Variants in OTULINL observed in about 807,000 individuals in gnomAD.
OTULINL encodes the protein inactive ubiquitin thioesterase OTULINL.
A neutral mutation model predicts 43.9 loss-of-function variants in OTULINL; 42 were observed. The observed-to-expected ratio is 0.96, with a 90% CI of 0.75 to 1.24. The LOEUF (loss-of-function observed/expected upper bound fraction) is 1.24, where lower values mean the gene tolerates loss of function less well. OTULINL is among the 50% of genes most tolerant of loss of function. The pLI is 0.00. For missense variants in OTULINL, 411 were observed against 426.4 expected (o/e 0.96, Z 0.32); for synonymous variants, 172 against 153.6 (o/e 1.12, Z -0.88).
chr5:14,608,915 C>T lies in OTULINL; in HGVS notation c.795C>T (p.Pro265=). The T allele has an allele frequency of 6.2e-7, 1 of 1,614,024 alleles. No homozygotes were observed. The highest frequency in any genetic ancestry group is 8.5e-7 in the Non-Finnish European group (1 of 1,179,890). ...YEQMKTKKVI[P]SLFRLLFSRE... ...AAATGAAGACTAAAAAGGTCATTCC[C>T]AGTCTTTTTAGACTCCTGTTTTCCA... The change falls in exon 7 of 8, where the codon CCC becomes CCT. Residue 265 remains proline, a synonymous_variant. Coordinates refer to ENST00000274217, the MANE Select transcript of OTULINL (RefSeq NM_019018.3).
At chr5:14,588,093 A>G (rs960847029) in intron 1 of OTULINL, among the ~76,000 whole-genome samples, 6 of 152,140 alleles carry the variant, frequency 3.9e-5, no homozygotes, top group African/African-American at 1.4e-4. Context: ...ATTTGTCAAG[A>G]TCTTATGTAT....
chr5:14,616,015 G>C lies in OTULINL; in HGVS notation c.*5701G>C, dbSNP rs1476614683. On this transcript the variant is annotated 3_prime_UTR_variant, in exon 8 of 8. Transcript: ENST00000274217. ...GCTTTTTAAACTATCCATGGTAAAG[G>C]ATGAGTTTTAAAAATTCTAATCCTT... Among the ~76,000 whole-genome samples, 1 of 152,178 alleles carries C rather than the reference G, an allele frequency of 6.6e-6. No homozygotes were observed. Among genetic ancestry groups the C allele is most frequent in the Admixed American group, 6.5e-5 (1 of 15,286 alleles).
intron 6 of OTULINL, 58 bp downstream of exon 6, chr5:14,607,516 A>G (rs1288628815): frequency 1.1e-5 from 17 of 1,598,354 alleles, no homozygotes. Flanking sequence ...TCCCAGATAG[A>G]GCCAGTTTTC....
At chr5:14,599,429 G>A (rs1759346095) in intron 1 of OTULINL, among the ~76,000 whole-genome samples, 1 of 151,938 alleles carries the variant, frequency 6.6e-6, no homozygotes, top group South Asian at 2.1e-4. Context: ...CAGAGGTTAT[G>A]GTGAGCCAAG....
Position 14,610,556 on chromosome 5 carries a change from C to T in OTULINL, c.*242C>T, listed in dbSNP as rs919221287. On this transcript the variant is annotated 3_prime_UTR_variant, in exon 8 of 8. Coordinates refer to ENST00000274217, the MANE Select transcript of OTULINL (RefSeq NM_019018.3). ...GTGGCTTGACTTTGTCCATAAGGGG[C>T]GTGGCCACTTCACATGATGGCGGGC... is the stretch of plus-strand genomic sequence containing the variant. The T allele has an allele frequency of 7.6e-6, 3 of 394,088 alleles. No homozygotes were observed. The highest frequency in any genetic ancestry group is 6.8e-4 in the Middle Eastern group (1 of 1,480). The allele number at this position is 394,088 out of a possible 1,614,324, so 24.4% of individuals were successfully genotyped here.
At chr5:14,586,286 T>C (rs1453628349) in intron 1 of OTULINL, among the ~76,000 whole-genome samples, 1 of 152,236 alleles carries the variant, frequency 6.6e-6, no homozygotes, top group Non-Finnish European at 1.5e-5. Flanking sequence ...AAAGTTTTTG[T>C]ATATGTTCTC....
chr5:14,585,985 G>A lies in OTULINL; in HGVS notation c.64+4027G>A, dbSNP rs541391038. Among the ~76,000 whole-genome samples, 14 of 152,356 alleles carry A rather than the reference G, an allele frequency of 9.2e-5. 1 individual carries two copies. In the South Asian group the frequency reaches 2.7e-3, roughly 29 times the overall value. On this transcript the variant is annotated intron_variant, in intron 1 of 7. Transcript: ENST00000274217. ...GACAACTCTTGCAGGTCTGGGTACA[G>A]GAGGAGAGAGATTATGAAAAAGTTT...
intron 1 of OTULINL, among the ~76,000 whole-genome samples, chr5:14,584,310 G>T (rs944921362): frequency 6.6e-6 from 1 of 152,172 alleles, no homozygotes; most frequent in African/African-American, 2.4e-5. Context: ...TTTCAGCCAT[G>T]ATTTCAGGAA....
rs949556311 is a variant in OTULINL at position 14,615,178 on chromosome 5, A to C, written c.*4864A>C. ...TGGAATGCTTTAAGGATGGTTTGTG[A>C]CTTTACCCCATTGTGCCTTATCATT... On this transcript the variant is annotated 3_prime_UTR_variant, in exon 8 of 8. Transcript: ENST00000274217. 1.3e-5 allele frequency among the ~76,000 whole-genome samples: 2 copies of C among 152,208 alleles called. No individual in the cohort carries two copies. Among genetic ancestry groups the C allele is most frequent in the Admixed American group, 6.5e-5 (1 of 15,278 alleles).
chr5:14,595,864 A>G (rs1759279126), intron 1 of OTULINL, among the ~76,000 whole-genome samples: 1 of 151,520 alleles, frequency 6.6e-6, no homozygotes, highest in African/African-American at 2.4e-5. Flanking sequence ...GACTAGGGGG[A>G]TGTATGAGAC....
chr5:14,600,662 G>A (rs747006398), intron 1 of OTULINL, among the ~76,000 whole-genome samples: 14 of 152,168 alleles, frequency 9.2e-5, no homozygotes, highest in Non-Finnish European at 1.5e-4. Flanking sequence ...ACATCAAATA[G>A]TAGAGGCAGG....
At chr5:14,606,067 CAT>C (rs1279447778) in intron 5 of OTULINL, among the ~76,000 whole-genome samples, 6 of 152,138 alleles carry the variant, frequency 3.9e-5, no homozygotes, top group African/African-American at 1.4e-4. Context: ...CTGATAAAGA[CAT>C]AACTGAGACT....
chr5:14,583,801 G>A (rs1174661864), intron 1 of OTULINL, among the ~76,000 whole-genome samples: 1 of 152,172 alleles, frequency 6.6e-6, no homozygotes, highest in Non-Finnish European at 1.5e-5. Flanking sequence ...AGTTGTCAAA[G>A]CTAGTATAGG....
Position 14,604,700 on chromosome 5 carries a change from G to T in OTULINL, c.498+2368G>T, listed in dbSNP as rs181882809. On this transcript the variant is annotated intron_variant, in intron 5 of 7. Coordinates refer to ENST00000274217, the MANE Select transcript of OTULINL (RefSeq NM_019018.3). ...TGGGAGAAATTGGCCTAAACAAAGGGACTACAGGCCATGCAAGTCCAAAAT... is the reference window on the plus strand; with the variant it reads ...TGGGAGAAATTGGCCTAAACAAAGGTACTACAGGCCATGCAAGTCCAAAAT... Among the ~76,000 whole-genome samples, 340 of 152,280 alleles carry T rather than the reference G, an allele frequency of 2.2e-3. 5 individuals carry two copies. The highest frequency in any genetic ancestry group is 7.5e-3 in the African/African-American group (313 of 41,546).
In OTULINL at chr5:14,601,445, G is replaced by T. The variant is rs780549190; in HGVS notation, c.348+3G>T. On this transcript the variant is annotated splice_donor_region_variant and intron_variant, in intron 4 of 7. Transcript: ENST00000274217. ...CCCGTAACAAGCTGATGAGGAAGGT[G>T]TGTCTGTTTTTAGAGGGTATGGGAG... 2 of 1,612,598 alleles carry T rather than the reference G, an allele frequency of 1.2e-6. No individual in the cohort carries two copies. The highest frequency in any genetic ancestry group is 4.5e-5 in the East Asian group (2 of 44,868).
At position 14,611,714 on chromosome 5, in the gene OTULINL, T is replaced by G; in HGVS notation, c.*1400T>G. 6.6e-6 allele frequency: 1 copy of G among 152,186 alleles called. No individual in the cohort carries two copies. Among genetic ancestry groups the G allele is most frequent in the East Asian group, 1.9e-4 (1 of 5,202 alleles). 9.4% of individuals were successfully genotyped at this position (152,186 alleles called of 1,614,324 possible). ...CTAGTTTAATTTGATAGTTTTTTTT[T>G]TGGAGGTACTTTGCTAGTCTGTTTT... On this transcript the variant is annotated 3_prime_UTR_variant, in exon 8 of 8. Transcript: ENST00000274217.
At chr5:14,609,749 G>C (rs1317892891) in intron 7 of OTULINL, among the ~76,000 whole-genome samples, 1 of 151,766 alleles carries the variant, frequency 6.6e-6, no homozygotes, top group South Asian at 2.1e-4. Flanking sequence ...TCCTGCCTCA[G>C]CCTCCCGAGT....
At chr5:14,589,898 T>C (rs1386365800) in intron 1 of OTULINL, among the ~76,000 whole-genome samples, 1 of 152,028 alleles carries the variant, frequency 6.6e-6, no homozygotes, top group Non-Finnish European at 1.5e-5. Flanking sequence ...TTGCGGATCA[T>C]GCCACTGCAC....
At position 14,611,486 on chromosome 5, in the gene OTULINL, T is replaced by C. The variant is rs1274328486; in HGVS notation, c.*1172T>C. 2 of 152,222 alleles carry C rather than the reference T, an allele frequency of 1.3e-5. No individual in the cohort carries two copies. The highest frequency in any genetic ancestry group is 2.4e-5 in the African/African-American group (1 of 41,452). The allele number at this position is 152,222 out of a possible 1,614,324, so 9.4% of individuals were successfully genotyped here. ...TTGAGACTGGAAAGGAAACAGAAAC[T>C]TCCCCATAGCCTCCAGAAGGAACGC... On this transcript the variant is annotated 3_prime_UTR_variant, in exon 8 of 8. Transcript: ENST00000274217.
Sources: gnomAD v4.1 joint callset for allele counts (sites outside exome capture counted in the v4.1 genomes callset) on GRCh38, gnomAD v4.1.1 for gene constraint, MANE v1.5 for transcripts, NCBI Gene and HGNC (gene_info 2026-07-23, HGNC 2026-07-21) for gene names.